The following CTNNA3 variants were observed in gnomAD, a reference collection of about 807,000 sequenced individuals.
The protein encoded by CTNNA3 is catenin alpha 3.
A neutral mutation model predicts 95.7 loss-of-function variants in CTNNA3; 76 were observed. The ratio of observed to expected loss-of-function variants is 0.79; its 90% confidence interval spans 0.66 to 0.96. CTNNA3 has a LOEUF of 0.96. Among genes scored for constraint, CTNNA3 ranks in the 40% least tolerant of loss-of-function variants. The pLI is 0.00. For missense variants in CTNNA3, 1,191 were observed against 1,089.8 expected, an observed-to-expected ratio of 1.09 and a Z score of -1.31; for synonymous variants, 431 against 374.4, an observed-to-expected ratio of 1.15 and a Z score of -1.74.
At chr10:67,433,566 C>T (rs1349188218) in intron 5 of CTNNA3, among the ~76,000 whole-genome samples, 1 of 151,918 alleles carries the variant, frequency 6.6e-6, no homozygotes, top group Non-Finnish European at 1.5e-5. Flanking sequence ...AAGTAAAGCA[C>T]AATAAAACGA....
intron 14 of CTNNA3, among the ~76,000 whole-genome samples, chr10:66,075,077 T>G (rs960107654): frequency 1.3e-5 from 2 of 151,892 alleles, no homozygotes; most frequent in Admixed American, 1.3e-4. Context: ...TTTCCTAGTA[T>G]TTTTCAAACT....
chr10:66,633,822 T>C (rs766921618), intron 9 of CTNNA3, among the ~76,000 whole-genome samples: 1 of 152,186 alleles, frequency 6.6e-6, no homozygotes, highest in Non-Finnish European at 1.5e-5. Context: ...CCCTTTTGAC[T>C]ATGTTTCTAT....
At chr10:66,940,425 G>T (rs1462257947) in intron 7 of CTNNA3, among the ~76,000 whole-genome samples, 1 of 152,132 alleles carries the variant, frequency 6.6e-6, no homozygotes, top group African/African-American at 2.4e-5. Context: ...AGTGAGCAAC[G>T]ATTGCACCAC....
chr10:66,432,540 AG>A (rs1475736452), intron 11 of CTNNA3, among the ~76,000 whole-genome samples: 1 of 151,872 alleles, frequency 6.6e-6, no homozygotes, highest in Non-Finnish European at 1.5e-5. Flanking sequence ...AGGTGCCTGT[AG>A]TTCCAGCTAC....
intron 7 of CTNNA3, among the ~76,000 whole-genome samples, chr10:66,817,571 A>G (rs1842138573): frequency 6.6e-6 from 1 of 151,982 alleles, no homozygotes; most frequent in African/African-American, 2.4e-5. Context: ...ACCTATACGA[A>G]ACAGACAATT....
chr10:66,724,374 C>G (rs1848718888), intron 9 of CTNNA3, among the ~76,000 whole-genome samples: 1 of 152,160 alleles, frequency 6.6e-6, no homozygotes, highest in Non-Finnish European at 1.5e-5. Context: ...TTAGAAAACA[C>G]ATGGTTGTGC....
intron 7 of CTNNA3, among the ~76,000 whole-genome samples, chr10:67,086,410 A>G (rs770007912): frequency 2.6e-5 from 4 of 152,040 alleles, no homozygotes; most frequent in Non-Finnish European, 5.9e-5. Context: ...TTAGTAATGA[A>G]GTTGAAGAGA....
chr10:66,093,157 TA>T (rs1420216441), intron 14 of CTNNA3, among the ~76,000 whole-genome samples: 4 of 151,974 alleles, frequency 2.6e-5, no homozygotes, highest in Non-Finnish European at 5.9e-5. Context: ...TTGGATACTA[TA>T]ATATACAGTG....
chr10:66,496,065 A>T (rs777487095), intron 11 of CTNNA3, among the ~76,000 whole-genome samples: 1 of 152,210 alleles, frequency 6.6e-6, no homozygotes, highest in Non-Finnish European at 1.5e-5. Flanking sequence ...AGTGATAGAT[A>T]AAAAGATATT....
At chr10:66,691,740 G>T (rs775004548) in intron 9 of CTNNA3, among the ~76,000 whole-genome samples, 98 of 152,122 alleles carry the variant, frequency 6.4e-4, no homozygotes, top group Admixed American at 1.2e-3. Flanking sequence ...ACCTCACACG[G>T]CTGGGTACTC....
intron 7 of CTNNA3, among the ~76,000 whole-genome samples, chr10:66,875,167 C>T (rs776326999): frequency 6.6e-6 from 1 of 151,964 alleles, no homozygotes; most frequent in Non-Finnish European, 1.5e-5. Flanking sequence ...TACACAAAGT[C>T]CAGTGGTGGG....
Position 67,380,258 on chromosome 10 carries a change from C to T in CTNNA3, c.579+141584G>A, listed in dbSNP as rs112817730. Among the ~76,000 whole-genome samples, 771 of 151,974 alleles carry T rather than the reference C, an allele frequency of 5.1e-3. 6 individuals carry two copies. The highest frequency in any genetic ancestry group is 0.018 in the African/African-American group (729 of 41,452). On this transcript the variant is annotated intron_variant, in intron 5 of 17. Coordinates refer to ENST00000433211, the MANE Select transcript of CTNNA3 (RefSeq NM_013266.4). ...CTAAAGTCTAAGAAAATCTAAGGTA[C>T]GATGTGAGCAACATGAAATTTTTCA...
rs149372213 is a variant in CTNNA3, at chr10:66,501,679, A to G, written c.1531+18938T>C. ...AGAATATCATTTAAATCTTGTTGTC[A>G]TGCGCCTGTGAGAAACTTTTCAGCT... On this transcript the variant is annotated intron_variant, in intron 11 of 17. Transcript: ENST00000433211. Among the ~76,000 whole-genome samples, 1,491 of 152,264 alleles carry G rather than the reference A, an allele frequency of 9.8e-3. 36 individuals are homozygous for G. Among genetic ancestry groups the G allele is most frequent in the African/African-American group, 0.034 (1,399 of 41,562 alleles).
intron 7 of CTNNA3, among the ~76,000 whole-genome samples, chr10:67,140,550 T>A (rs1238370487): frequency 6.6e-6 from 1 of 152,172 alleles, no homozygotes; most frequent in Non-Finnish European, 1.5e-5. Context: ...ATCTACTAAT[T>A]ACATGTACAA....
At chr10:66,818,788 C>A (rs997605363) in intron 7 of CTNNA3, among the ~76,000 whole-genome samples, 17 of 151,744 alleles carry the variant, frequency 1.1e-4, no homozygotes, top group Admixed American at 7.9e-4. Context: ...GCAAGGGACT[C>A]GGAATACTCA....
At chr10:66,334,446 A>C (rs2092371029) in intron 12 of CTNNA3, among the ~76,000 whole-genome samples, 1 of 151,502 alleles carries the variant, frequency 6.6e-6, no homozygotes, top group African/African-American at 2.4e-5. Context: ...AAAATCTCTC[A>C]GTGTTTGCTT....
At chr10:67,142,437 G>A (rs772577437) in intron 7 of CTNNA3, among the ~76,000 whole-genome samples, 1 of 151,990 alleles carries the variant, frequency 6.6e-6, no homozygotes, top group Non-Finnish European at 1.5e-5. Context: ...GAACCTGCTG[G>A]GTTAAAAAAT....
chr10:67,117,072 T>C (rs1859225103), intron 7 of CTNNA3, among the ~76,000 whole-genome samples: 1 of 151,944 alleles, frequency 6.6e-6, no homozygotes, highest in African/African-American at 2.4e-5. Context: ...TTACTGGTAG[T>C]AAGAAACAAA....
chr10:66,185,986 T>C (rs890498974), intron 13 of CTNNA3, among the ~76,000 whole-genome samples: 1 of 151,892 alleles, frequency 6.6e-6, no homozygotes, highest in Non-Finnish European at 1.5e-5. Flanking sequence ...TGTACACACA[T>C]ACACACATAT....
Sources: allele counts gnomAD v4.1 joint callset (sites outside exome capture counted in the v4.1 genomes callset), GRCh38; gene constraint gnomAD v4.1.1; transcripts MANE v1.5; gene names NCBI Gene and HGNC (gene_info 2026-07-23, HGNC 2026-07-21).